Variants in RAB30 observed in about 807,000 individuals in gnomAD.
RAB30 encodes the protein ras-related protein Rab-30.
RAB30 carries 9 observed loss-of-function variants against 25.1 expected under a neutral mutation model. The observed-to-expected ratio is 0.36, with a 90% CI of 0.22 to 0.63. RAB30 has a LOEUF of 0.63. Among genes scored for constraint, RAB30 ranks in the 20% least tolerant of loss-of-function variants. RAB30 has a pLI of 0.69. For synonymous variants in RAB30, 77 were observed against 86.4 expected (o/e 0.89, Z 0.60); for missense variants, 140 against 243.5 (o/e 0.58, Z 2.83).
intron 1 of RAB30, among the ~76,000 whole-genome samples, chr11:83,067,357 G>A (rs1565294867): frequency 6.6e-6 from 1 of 150,766 alleles, no homozygotes; most frequent in Non-Finnish European, 1.5e-5. Flanking sequence ...CTAAAGCTCA[G>A]AAAAAAAAAT....
chr11:83,003,286 A>G (rs894821947), intron 1 of RAB30, among the ~76,000 whole-genome samples: 1 of 152,234 alleles, frequency 6.6e-6, no homozygotes, highest in Non-Finnish European at 1.5e-5. Flanking sequence ...CATTCTGACA[A>G]AAGTCATATA....
intron 4 of RAB30, 29 bp downstream of exon 4, chr11:82,987,558 A>C: frequency 6.3e-7 from 1 of 1,575,716 alleles, no homozygotes; most frequent in African/African-American, 1.4e-5. Flanking sequence ...CCCACAAATC[A>C]ATTTCCCTCC....
rs1356182505 is a variant in RAB30 at position 82,973,533 on chromosome 11, A to T, written c.*8632T>A. ...GAAATCCTCTATGTGATGGCAACTC[A>T]ATTTCTACAAGACTGAAACAGTCTT... On this transcript the variant is annotated 3_prime_UTR_variant, in exon 5 of 5. Coordinates refer to ENST00000527633, the MANE Select transcript of RAB30 (RefSeq NM_001286060.2). 1 of 152,226 alleles carries T rather than the reference A, an allele frequency of 6.6e-6. No homozygotes were observed. The highest frequency in any genetic ancestry group is 1.5e-5 in the Non-Finnish European group (1 of 68,030). 9.4% of individuals were successfully genotyped at this position (152,226 alleles called of 1,614,324 possible).
At chr11:83,027,821 G>A (rs1370971037) in intron 1 of RAB30, among the ~76,000 whole-genome samples, 1 of 152,054 alleles carries the variant, frequency 6.6e-6, no homozygotes, top group Non-Finnish European at 1.5e-5. Context: ...CCACTCCCCA[G>A]CCGCAAGTAA....
At chr11:83,037,254 C>T (rs1396331083) in intron 1 of RAB30, among the ~76,000 whole-genome samples, 2 of 151,638 alleles carry the variant, frequency 1.3e-5, no homozygotes, top group South Asian at 2.1e-4. Context: ...AAAAGACAAA[C>T]GAATTTTTTT....
rs186252125 is a variant in RAB30 at position 83,008,010 on chromosome 11, A to G, written c.-8-10686T>C. On this transcript the variant is annotated intron_variant, in intron 1 of 4. Coordinates refer to ENST00000527633, the MANE Select transcript of RAB30 (RefSeq NM_001286060.2). ...TGCAAAGAGCTCTGGGCTTTGCCCCATTGCCTTCCCCCTTGTATTCTCTAA... is the reference window on the plus strand; with the variant it reads ...TGCAAAGAGCTCTGGGCTTTGCCCCGTTGCCTTCCCCCTTGTATTCTCTAA... 4.6e-4 allele frequency among the ~76,000 whole-genome samples: 70 copies of G among 152,304 alleles called. 1 individual carries two copies. Among genetic ancestry groups the G allele is most frequent in the Middle Eastern group, 6.8e-3 (2 of 294 alleles).
At chr11:83,047,949 C>T (rs1203087771) in intron 1 of RAB30, among the ~76,000 whole-genome samples, 1 of 152,110 alleles carries the variant, frequency 6.6e-6, no homozygotes, top group African/African-American at 2.4e-5. Flanking sequence ...TTCTCCTTTC[C>T]TCTAAAGAAG....
At chr11:83,030,608 G>T (rs1233708759) in intron 1 of RAB30, among the ~76,000 whole-genome samples, 1 of 152,028 alleles carries the variant, frequency 6.6e-6, no homozygotes, top group Non-Finnish European at 1.5e-5. Flanking sequence ...AACTAGCCTG[G>T]CCAACATGGT....
chr11:83,029,520 G>A (rs141266025), intron 1 of RAB30, among the ~76,000 whole-genome samples: 2,469 of 152,124 alleles, frequency 0.016, 70 homozygotes, highest in African/African-American at 0.057. Flanking sequence ...ACCTGCCTCA[G>A]TCTCCCAAAG....
intron 1 of RAB30, among the ~76,000 whole-genome samples, chr11:83,004,765 A>G (rs899693978): frequency 3.3e-5 from 5 of 151,778 alleles, no homozygotes; most frequent in Non-Finnish European, 7.4e-5. Context: ...ACCCCCTACT[A>G]TCCTTAAGGA....
chr11:82,989,644 A>G (rs1184307281), intron 3 of RAB30, among the ~76,000 whole-genome samples: 1 of 152,248 alleles, frequency 6.6e-6, no homozygotes, highest in African/African-American at 2.4e-5. Flanking sequence ...ACTGTTCAGT[A>G]TTAGAAATCA....
intron 4 of RAB30, among the ~76,000 whole-genome samples, chr11:82,984,152 G>A (rs188039139): frequency 6.6e-5 from 10 of 152,262 alleles, no homozygotes; most frequent in East Asian, 5.8e-4. Context: ...TGGCAACACC[G>A]CTTATGGTAA....
chr11:83,061,462 A>G (rs1858575597), intron 1 of RAB30, among the ~76,000 whole-genome samples: 1 of 152,224 alleles, frequency 6.6e-6, no homozygotes, highest in South Asian at 2.1e-4. Context: ...GATTGTTTCC[A>G]TGTAATGGTA....
At chr11:83,018,611 G>A (rs572472200) in intron 1 of RAB30, among the ~76,000 whole-genome samples, 1 of 152,284 alleles carries the variant, frequency 6.6e-6, no homozygotes, top group East Asian at 1.9e-4. Context: ...CAGATGCATA[G>A]TTTGTGAGTA....
At chr11:82,993,991 A>C in intron 3 of RAB30, 48 bp downstream of exon 3, 1 of 1,430,312 alleles carries the variant, frequency 7.0e-7, no homozygotes, top group Non-Finnish European at 9.8e-7. Context: ...ACTTCCCCTA[A>C]CCTCTCACAT....
At chr11:82,994,238 G>T in intron 2 of RAB30, 116 bp from the exon 3 acceptor site, 1 of 800,940 alleles carries the variant, frequency 1.2e-6, no homozygotes, top group Non-Finnish European at 2.0e-6. Flanking sequence ...GAGGTGACTG[G>T]TAGAAAAGAG....
chr11:83,014,692 A>AAGAAAG (rs1565277255), intron 1 of RAB30, among the ~76,000 whole-genome samples: 1 of 138,550 alleles, frequency 7.2e-6, no homozygotes, highest in Non-Finnish European at 1.6e-5. Flanking sequence ...GAAAGAAAGA[A>AAGAAAG]AGAGAAAGGA....
chr11:83,037,142 A>C (rs1253385735), intron 1 of RAB30, among the ~76,000 whole-genome samples: 1 of 152,204 alleles, frequency 6.6e-6, no homozygotes, highest in East Asian at 1.9e-4. Flanking sequence ...AGAGGATTTT[A>C]TATTTGGGAA....
intron 4 of RAB30, among the ~76,000 whole-genome samples, chr11:82,983,488 T>A (rs1200522564): frequency 6.6e-6 from 1 of 152,166 alleles, no homozygotes; most frequent in Non-Finnish European, 1.5e-5. Flanking sequence ...TGGAGGGCAG[T>A]GGCGCGATCC....
Sources: gnomAD v4.1 joint callset for allele counts (sites outside exome capture counted in the v4.1 genomes callset) on GRCh38, gnomAD v4.1.1 for gene constraint, MANE v1.5 for transcripts, NCBI Gene and HGNC (gene_info 2026-07-23, HGNC 2026-07-21) for gene names.